CUX1: variants seen among roughly 807,000 people sequenced by gnomAD.
The protein encoded by CUX1 is protein CASP.
Under a neutral mutation model 158.8 loss-of-function variants are expected in CUX1, and 31 were observed. That is an observed-to-expected ratio of 0.20 (90% CI 0.15 to 0.26). The LOEUF (loss-of-function observed/expected upper bound fraction) is 0.26, where lower values mean the gene tolerates loss of function less well. Among genes scored for constraint, CUX1 ranks in the 10% least tolerant of loss-of-function variants. CUX1 has a pLI of 1.00. For synonymous variants in CUX1, 879 were observed against 862.1 expected (o/e 1.02, Z -0.34); for missense variants, 1,589 against 2,014.6 (o/e 0.79, Z 4.04).
chr7:101,913,405 G>A (rs1332635411), intron 1 of CUX1: 15 of 1,262,026 alleles, frequency 1.2e-5, no homozygotes, highest in South Asian at 5.0e-5. Context: ...GCAAGTTGCC[G>A]CAGGCGCACT....
chr7:101,975,966 C>A (rs539379210), intron 2 of CUX1, among the ~76,000 whole-genome samples: 3 of 152,256 alleles, frequency 2.0e-5, no homozygotes, highest in East Asian at 3.9e-4. Context: ...CATGGTGAAA[C>A]CCCGTCTCTA....
chr7:102,149,066 AAG>A (rs1441071891), intron 8 of CUX1, among the ~76,000 whole-genome samples: 3 of 152,050 alleles, frequency 2.0e-5, no homozygotes, highest in African/African-American at 7.2e-5. Flanking sequence ...AGGGTGTGGG[AAG>A]AGACTCTGCC....
At chr7:101,965,574 G>A (rs548741577) in intron 2 of CUX1, among the ~76,000 whole-genome samples, 21 of 152,146 alleles carry the variant, frequency 1.4e-4, no homozygotes, top group African/African-American at 3.9e-4. Flanking sequence ...TTGGCCAGGC[G>A]CGGTGGCTCA....
chr7:102,249,639 G>C lies in CUX1; in HGVS notation c.*597G>C. On this transcript the variant is annotated 3_prime_UTR_variant, in exon 24 of 24. Coordinates refer to ENST00000292535, the MANE Select transcript of CUX1 (RefSeq NM_181552.4). ...ATCTGCCATCTAATGGCTTCAGAGC[G>C]ATAATACACTATTATCTTCTTAAAC... The C allele has an allele frequency of 7.1e-6, 7 of 983,904 alleles. No individual in the cohort carries two copies. The highest frequency in any genetic ancestry group is 8.4e-6 in the Non-Finnish European group (7 of 829,330). The allele number at this position is 983,904 out of a possible 1,614,324, so 60.9% of individuals were successfully genotyped here.
intron 8 of CUX1, among the ~76,000 whole-genome samples, chr7:102,144,442 T>G (rs1301809439): frequency 2.0e-5 from 3 of 152,132 alleles, no homozygotes; most frequent in Non-Finnish European, 4.4e-5. Context: ...CCCAGAATCC[T>G]TTCATTTCCT....
chr7:101,838,079 G>A (rs2131117597), intron 1 of CUX1, among the ~76,000 whole-genome samples: 1 of 151,040 alleles, frequency 6.6e-6, no homozygotes, highest in East Asian at 2.0e-4. Flanking sequence ...TAATTCATAA[G>A]TGTGGCACTG....
chr7:101,911,580 G>C (rs887296543), intron 1 of CUX1, among the ~76,000 whole-genome samples: 9 of 152,100 alleles, frequency 5.9e-5, no homozygotes, highest in Non-Finnish European at 1.2e-4. Flanking sequence ...CTGAGCCTTG[G>C]CGTTGACCTT....
At chr7:101,919,721 G>A (rs963410964) in intron 2 of CUX1, among the ~76,000 whole-genome samples, 7 of 152,358 alleles carry the variant, frequency 4.6e-5, no homozygotes, top group Middle Eastern at 3.4e-3. Context: ...CGAGGGTTCA[G>A]TGGGGAGTAA....
upstream of CUX1, chr7:101,817,143 G>T: frequency 1.0e-6 from 1 of 984,346 alleles, no homozygotes; most frequent in Non-Finnish European, 1.2e-6. The surrounding 1 kb of genome is among the most constrained non-coding windows in gnomAD (Gnocchi z 4.1). Flanking sequence ...GGCGCGGGAG[G>T]AGGAGGCTGC....
chr7:102,045,415 C>G (rs1822636502), intron 3 of CUX1, among the ~76,000 whole-genome samples: 1 of 152,262 alleles, frequency 6.6e-6, no homozygotes, highest in Non-Finnish European at 1.5e-5. Context: ...GCGCTGCCGC[C>G]ACTGCCGGGT....
At chr7:101,927,875 A>G (rs1278220465) in intron 2 of CUX1, among the ~76,000 whole-genome samples, 1 of 152,200 alleles carries the variant, frequency 6.6e-6, no homozygotes, top group Non-Finnish European at 1.5e-5. Flanking sequence ...GGCTTGGCCC[A>G]GGGGCGGCGG....
In CUX1 at chr7:101,828,509, A is replaced by G. The variant is rs566477348; in HGVS notation, c.30+10840A>G. ...AACTTCCCCATATGAACGAACGGGG[A>G]AAGTGCATGTTGTAGTTCTCAAAAC... On this transcript the variant is annotated intron_variant, in intron 1 of 23. Transcript: ENST00000292535. 1.6e-4 allele frequency among the ~76,000 whole-genome samples: 24 copies of G among 152,268 alleles called. No individual in the cohort carries two copies. The Middle Eastern group carries it at 0.01, about 65-fold the overall frequency.
intron 1 of CUX1, among the ~76,000 whole-genome samples, chr7:101,864,296 G>A (rs1797742828): frequency 6.6e-6 from 1 of 152,032 alleles, no homozygotes; most frequent in Admixed American, 6.6e-5. Flanking sequence ...GAGTAGCTGG[G>A]ACTATAGGTG....
At chr7:101,854,238 G>A (rs112990266) in intron 1 of CUX1, among the ~76,000 whole-genome samples, 7 of 152,290 alleles carry the variant, frequency 4.6e-5, no homozygotes, top group African/African-American at 1.7e-4. Context: ...GAAACACTTC[G>A]GTTTTGGTTT....
In CUX1 at chr7:102,209,005, C is replaced by T. The variant is rs567368911; in HGVS notation, c.3130+3835C>T. 1.1e-3 allele frequency among the ~76,000 whole-genome samples: 163 copies of T among 152,292 alleles called. 1 individual carries two copies. The highest frequency in any genetic ancestry group is 3.8e-3 in the African/African-American group (160 of 41,560). On this transcript the variant is annotated intron_variant, in intron 20 of 23. Transcript: ENST00000292535. The stretch of plus-strand genomic sequence containing the variant: ...AGCCACAGCCCTGCAGTAAGGGAAT[C>T]GGGCTTACAGCGGAGTCCGTGGGGG...
intron 3 of CUX1, among the ~76,000 whole-genome samples, chr7:102,040,225 G>A (rs770046776): frequency 6.6e-6 from 1 of 152,150 alleles, no homozygotes; most frequent in South Asian, 2.1e-4. Flanking sequence ...GGGGTAGAGC[G>A]GGAAGAGGTG....
intron 2 of CUX1, among the ~76,000 whole-genome samples, chr7:101,990,105 T>C (rs908509468): frequency 2.0e-5 from 3 of 152,160 alleles, no homozygotes; most frequent in African/African-American, 7.2e-5. Flanking sequence ...ACACCTGTAA[T>C]TCCAGCTACT....
chr7:102,042,187 C>G (rs142824788), intron 3 of CUX1, among the ~76,000 whole-genome samples: 5 of 152,290 alleles, frequency 3.3e-5, no homozygotes, highest in Middle Eastern at 3.4e-3. Context: ...GCTCCCAAAG[C>G]TGCTGCTGGG....
rs180861817 is a variant in CUX1 at position 101,954,042 on chromosome 7, T to A, written c.141+37817T>A. 1.6e-3 allele frequency among the ~76,000 whole-genome samples: 241 copies of A among 152,260 alleles called. 1 individual carries two copies. Among genetic ancestry groups the A allele is most frequent in the African/African-American group, 5.7e-3 (236 of 41,540 alleles). ...TCTCTACAAAAAAAATTTTTTTAAG[T>A]CAGCCAGGCATGGTGGTGCACACCT... is the stretch of plus-strand genomic sequence containing the variant. On this transcript the variant is annotated intron_variant, in intron 2 of 23. Coordinates refer to ENST00000292535, the MANE Select transcript of CUX1 (RefSeq NM_181552.4).
Sources: gnomAD v4.1 joint callset for allele counts (sites outside exome capture counted in the v4.1 genomes callset) on GRCh38, gnomAD v4.1.1 for gene constraint, Gnocchi (gnomAD v3.1) non-coding constraint, MANE v1.5 for transcripts, NCBI Gene and HGNC (gene_info 2026-07-23, HGNC 2026-07-21) for gene names.